Variants in BRIP1 observed in about 807,000 individuals in gnomAD.
The protein encoded by BRIP1 is BRCA1 interacting DNA helicase 1.
Under a neutral mutation model 119.7 loss-of-function variants are expected in BRIP1, and 88 were observed. That is an observed-to-expected ratio of 0.74 (90% CI 0.62 to 0.88). The LOEUF (loss-of-function observed/expected upper bound fraction) is 0.88. BRIP1 is among the 40% of genes least tolerant of loss of function. The pLI is 0.00. For missense variants in BRIP1, 1,259 were observed against 1,455.4 expected, an observed-to-expected ratio of 0.87 and a Z score of 2.20; for synonymous variants, 443 against 496.5, an observed-to-expected ratio of 0.89 and a Z score of 1.43.
chr17:61,825,012 G>A lies in BRIP1; in HGVS notation c.628-16255C>T, dbSNP rs1567851036. Among the ~76,000 whole-genome samples the A allele has an allele frequency of 1.3e-5, 2 of 152,110 alleles. No homozygotes were observed. The highest frequency in any genetic ancestry group is 4.8e-5 in the African/African-American group (2 of 41,426). The stretch of plus-strand genomic sequence containing the variant: ...ACAAGAAAAGGAAGCCCGGCCGGGT[G>A]CAGTGGCTCACGCCTGTAATCCCAA... On this transcript the variant is annotated intron_variant, in intron 6 of 19. Coordinates refer to ENST00000259008, the MANE Select transcript of BRIP1 (RefSeq NM_032043.3). This position sits in a 1 kb window ranked among gnomAD's most constrained non-coding sequence, Gnocchi z 4.1.
chr17:61,731,535 C>T (rs2076842801), intron 16 of BRIP1, among the ~76,000 whole-genome samples: 1 of 152,260 alleles, frequency 6.6e-6, no homozygotes, highest in Admixed American at 6.5e-5. Context: ...CTCAGACTCA[C>T]AACTTCAGCT....
Position 61,730,106 on chromosome 17 carries a change from G to A in BRIP1, c.2379+12907C>T, listed in dbSNP as rs923871334. Among the ~76,000 whole-genome samples, 1 of 152,198 alleles carries A rather than the reference G, an allele frequency of 6.6e-6. No homozygotes were observed. The highest frequency in any genetic ancestry group is 1.5e-5 in the Non-Finnish European group (1 of 68,036). On this transcript the variant is annotated intron_variant, in intron 16 of 19. Transcript: ENST00000259008. The surrounding 1 kb of genome is among the most constrained non-coding windows in gnomAD (Gnocchi z 4.3). ...TTACTATAGTCACTGACGCACTGGG[G>A]TGATGTGTCCTACAGTTACAAAGTA...
intron 6 of BRIP1, among the ~76,000 whole-genome samples, chr17:61,812,975 C>G (rs2078185650): frequency 6.6e-6 from 1 of 152,038 alleles, no homozygotes; most frequent in Non-Finnish European, 1.5e-5. Flanking sequence ...CCCTACCACT[C>G]ACACAAAAAA....
At position 61,744,631 on chromosome 17, in the gene BRIP1, A is replaced by G. The variant is rs2077036042; in HGVS notation, c.2098-40T>C. 6.4e-7 allele frequency: 1 copy of G among 1,570,642 alleles called. No individual in the cohort carries two copies. The highest frequency in any genetic ancestry group is 1.1e-5 in the South Asian group (1 of 90,162). Reference sequence around the variant, plus strand: ...GAAAAAAATGATTTTTTGTGTGTCTAGCTAAACAAACTTAACTTCATTTGT... The same window carrying G: ...GAAAAAAATGATTTTTTGTGTGTCTGGCTAAACAAACTTAACTTCATTTGT... On this transcript the variant is annotated intron_variant, in intron 14 of 19. Coordinates refer to ENST00000259008, the MANE Select transcript of BRIP1 (RefSeq NM_032043.3). This position sits in a 1 kb window ranked among gnomAD's most constrained non-coding sequence, Gnocchi z 5.0.
rs768292673 is a variant in BRIP1, at chr17:61,798,676, ATTATT to A, written c.1340+419_1340+423del. ...TTGTCATAAAGCTAGTACTAAATAT[ATTATT>A]TTAGAGTACTGAAATCTTGATTAAT... is the stretch of plus-strand genomic sequence containing the variant. On this transcript the variant is annotated intron_variant, in intron 9 of 19. Coordinates refer to ENST00000259008, the MANE Select transcript of BRIP1 (RefSeq NM_032043.3). The surrounding 1 kb of genome is among the most constrained non-coding windows in gnomAD (Gnocchi z 5.5). 2.6e-5 allele frequency among the ~76,000 whole-genome samples: 4 copies of A among 152,040 alleles called. No homozygotes were observed. The highest frequency in any genetic ancestry group is 2.9e-5 in the Non-Finnish European group (2 of 67,940).
At chr17:61,838,757 A>G (rs1278827588) in intron 6 of BRIP1, among the ~76,000 whole-genome samples, 1 of 151,738 alleles carries the variant, frequency 6.6e-6, no homozygotes, top group African/African-American at 2.4e-5. Context: ...GGTCTGAAGA[A>G]AAAAGCAAAA....
At chr17:61,698,125 T>A (rs909355375) in intron 17 of BRIP1, among the ~76,000 whole-genome samples, 2 of 152,174 alleles carry the variant, frequency 1.3e-5, no homozygotes, top group African/African-American at 4.8e-5. Flanking sequence ...ACAGCTTTTT[T>A]AAGTTTCCCT....
rs73328550 is a variant in BRIP1 at position 61,726,102 on chromosome 17, C to T, written c.2380-10039G>A. On this transcript the variant is annotated intron_variant, in intron 16 of 19. Transcript: ENST00000259008. This position sits in a 1 kb window ranked among gnomAD's most constrained non-coding sequence, Gnocchi z 6.2. ...ATAATGGAAAAAAAGAAAAAGCACA[C>T]GGCTTGGAATCAAGGCCTTGAGACT... Among the ~76,000 whole-genome samples the T allele has an allele frequency of 1.0e-2, 1,520 of 152,232 alleles. 31 individuals carry two copies. Among genetic ancestry groups the T allele is most frequent in the African/African-American group, 0.035 (1,447 of 41,538 alleles).
intron 6 of BRIP1, among the ~76,000 whole-genome samples, chr17:61,838,364 G>A (rs1444902332): frequency 2.0e-5 from 3 of 151,600 alleles, no homozygotes; most frequent in East Asian, 1.9e-4. Context: ...TGGCTAACAC[G>A]GTGAAACCCT....
Position 61,852,139 on chromosome 17 carries a change from T to C in BRIP1, c.380-2883A>G, listed in dbSNP as rs1266321391. ...AGGGAATGTCCACCCAAAATGATCA[T>C]TTAGTTTTAGAAAACTGAACTGCCA... On this transcript the variant is annotated intron_variant, in intron 4 of 19. Transcript: ENST00000259008. The surrounding 1 kb of genome is among the most constrained non-coding windows in gnomAD (Gnocchi z 4.9). Among the ~76,000 whole-genome samples, 1 of 152,168 alleles carries C rather than the reference T, an allele frequency of 6.6e-6. No homozygotes were observed. Among genetic ancestry groups the C allele is most frequent in the Non-Finnish European group, 1.5e-5 (1 of 68,030 alleles).
At position 61,687,454 on chromosome 17, in the gene BRIP1, C is replaced by T. The variant is rs769138117; in HGVS notation, c.2576-1289G>A. Among the ~76,000 whole-genome samples the T allele has an allele frequency of 4.6e-5, 7 of 151,874 alleles. No homozygotes were observed. Among genetic ancestry groups the T allele is most frequent in the East Asian group, 1.9e-4 (1 of 5,192 alleles). ...TTGACCTATGCTACTGCACACTTTA[C>T]GTGGAAAGGGAAGATAAAACAAATA... On this transcript the variant is annotated intron_variant, in intron 18 of 19. Transcript: ENST00000259008. The surrounding 1 kb of genome is among the most constrained non-coding windows in gnomAD (Gnocchi z 5.1).
chr17:61,747,490 T>C (rs2077073756), intron 14 of BRIP1, among the ~76,000 whole-genome samples: 1 of 149,600 alleles, frequency 6.7e-6, no homozygotes, highest in African/African-American at 2.4e-5. Context: ...AAGACTACTC[T>C]GAAAAATTAT....
Position 61,835,012 on chromosome 17 carries a change from A to T in BRIP1, c.627+12089T>A, listed in dbSNP as rs869312541. ...GTGCACGCACATGTGCGCACTTAAG[A>T]ATAGACAGCAGGCAGAATATCAGGG... On this transcript the variant is annotated intron_variant, in intron 6 of 19. Coordinates refer to ENST00000259008, the MANE Select transcript of BRIP1 (RefSeq NM_032043.3). Among the ~76,000 whole-genome samples the T allele has an allele frequency of 6.6e-6, 1 of 152,226 alleles. No individual in the cohort carries two copies. Among genetic ancestry groups the T allele is most frequent in the Non-Finnish European group, 1.5e-5 (1 of 68,032 alleles).
In BRIP1 at chr17:61,683,222, C is replaced by T; in HGVS notation, c.*74G>A. On this transcript the variant is annotated 3_prime_UTR_variant, in exon 20 of 20. Coordinates refer to ENST00000259008, the MANE Select transcript of BRIP1 (RefSeq NM_032043.3). This position sits in a 1 kb window ranked among gnomAD's most constrained non-coding sequence, Gnocchi z 4.7. ...AAAAGTATGCCACTTATTCAATTTA[C>T]AAATTATTACTTACAACAGAGTTTA... The T allele has an allele frequency of 6.9e-7, 1 of 1,458,408 alleles. No individual in the cohort carries two copies. Among genetic ancestry groups the T allele is most frequent in the South Asian group, 1.2e-5 (1 of 81,006 alleles). The allele number at this position is 1,458,408 out of a possible 1,614,324, so 90.3% of individuals were successfully genotyped here. A position where few individuals can be genotyped will look rare whatever the true frequency, so the allele number is the denominator to read the frequency against.
At chr17:61,847,757 T>C (rs560229325) in intron 5 of BRIP1, among the ~76,000 whole-genome samples, 2 of 152,364 alleles carry the variant, frequency 1.3e-5, no homozygotes, top group Non-Finnish European at 2.9e-5. Context: ...ACCACTAAGT[T>C]TTCTTTCCAA....
rs564615728 is a variant in BRIP1 at position 61,802,630 on chromosome 17, C to T, written c.919-1156G>A. On this transcript the variant is annotated intron_variant, in intron 7 of 19. Coordinates refer to ENST00000259008, the MANE Select transcript of BRIP1 (RefSeq NM_032043.3). The surrounding 1 kb of genome is among the most constrained non-coding windows in gnomAD (Gnocchi z 6.0). Reference sequence around the variant, plus strand: ...ATCTTGACATCACTAAGCATCTTTTCGTTGCTGCTCATATATGTACATTGA... The same window carrying T: ...ATCTTGACATCACTAAGCATCTTTTTGTTGCTGCTCATATATGTACATTGA... Among the ~76,000 whole-genome samples, 14 of 152,152 alleles carry T rather than the reference C, an allele frequency of 9.2e-5. No individual in the cohort carries two copies. The South Asian group carries it at 2.1e-3, about 23-fold the overall frequency.
In BRIP1 at chr17:61,805,055, TAC is replaced by T. The variant is rs1164808027; in HGVS notation, c.918+3410_918+3411del. ...TATAATAAATTAAATTGTATATATA[TAC>T]ACACACATATATATGCATATATATA... On this transcript the variant is annotated intron_variant, in intron 7 of 19. Transcript: ENST00000259008. The surrounding 1 kb of genome is among the most constrained non-coding windows in gnomAD (Gnocchi z 5.6). Among the ~76,000 whole-genome samples the T allele has an allele frequency of 1.3e-5, 2 of 151,718 alleles. No homozygotes were observed. Among genetic ancestry groups the T allele is most frequent in the Non-Finnish European group, 2.9e-5 (2 of 67,952 alleles).
chr17:61,837,476 A>G (rs1446611112), intron 6 of BRIP1, among the ~76,000 whole-genome samples: 2 of 152,190 alleles, frequency 1.3e-5, no homozygotes, highest in Non-Finnish European at 2.9e-5. Context: ...ATAATATGCT[A>G]CTGCTACATT....
chr17:61,797,215 C>T (rs568490868), intron 9 of BRIP1, among the ~76,000 whole-genome samples: 1 of 151,906 alleles, frequency 6.6e-6, no homozygotes, highest in African/African-American at 2.4e-5. Context: ...AATAGAACTA[C>T]AGAAGAAACT....
Sources: gnomAD v4.1 joint callset for allele counts (sites outside exome capture counted in the v4.1 genomes callset) on GRCh38, gnomAD v4.1.1 for gene constraint, Gnocchi (gnomAD v3.1) non-coding constraint, MANE v1.5 for transcripts, NCBI Gene and HGNC (gene_info 2026-07-23, HGNC 2026-07-21) for gene names.